The following KAZN variants were observed in gnomAD, a reference collection of about 807,000 sequenced individuals.
The protein encoded by KAZN is kazrin.
KAZN carries 40 observed loss-of-function variants against 87.4 expected under a neutral mutation model. The ratio of observed to expected loss-of-function variants is 0.46; its 90% CI spans 0.36 to 0.60. KAZN has a LOEUF of 0.60. KAZN is among the 20% of genes least tolerant of loss of function. The pLI is 0.00. For missense variants in KAZN, 898 were observed against 1,073.9 expected, an observed-to-expected ratio of 0.84 and a Z score of 2.29; for synonymous variants, 466 against 458.3, an observed-to-expected ratio of 1.02 and a Z score of -0.22.
At chr1:14,344,582 A>T (rs1657975263) in intron 2 of KAZN, among the ~76,000 whole-genome samples, 3 of 152,142 alleles carry the variant, frequency 2.0e-5, no homozygotes, top group Non-Finnish European at 2.9e-5. Context: ...ATAGACCTCA[A>T]AAAAAGGATT....
intron 1 of KAZN, among the ~76,000 whole-genome samples, chr1:14,896,080 G>C (rs1457120085): frequency 7.5e-6 from 1 of 133,158 alleles, no homozygotes; most frequent in Non-Finnish European, 1.5e-5. Context: ...TTTGGACACA[G>C]ATTCTTGCTC....
At chr1:14,005,815 G>A (rs1640011694) in intron 1 of KAZN, among the ~76,000 whole-genome samples, 1 of 152,130 alleles carries the variant, frequency 6.6e-6, no homozygotes, top group Non-Finnish European at 1.5e-5. Flanking sequence ...AAAGTTCCAG[G>A]TGTTGTTGCT....
At chr1:14,551,492 C>T (rs777497550) in intron 2 of KAZN, among the ~76,000 whole-genome samples, 18 of 152,214 alleles carry the variant, frequency 1.2e-4, no homozygotes, top group East Asian at 3.9e-4. Context: ...GTGTGCACAC[C>T]GGGCCTGGTA....
At chr1:14,057,043 C>CAAAAAA (rs527243643) in intron 1 of KAZN, among the ~76,000 whole-genome samples, 4 of 91,682 alleles carry the variant, frequency 4.4e-5, no homozygotes, top group African/African-American at 1.0e-4. Flanking sequence ...GACCCTGTCT[C>CAAAAAA]AAAAAAAAAA....
At chr1:14,931,347 G>C (rs569494971) in intron 1 of KAZN, among the ~76,000 whole-genome samples, 1 of 152,148 alleles carries the variant, frequency 6.6e-6, no homozygotes, top group African/African-American at 2.4e-5. Flanking sequence ...GGAAGGCTGA[G>C]GAAGGAAAAT....
chr1:14,313,360 C>T (rs1454526855), intron 2 of KAZN, among the ~76,000 whole-genome samples: 1 of 152,160 alleles, frequency 6.6e-6, no homozygotes, highest in Non-Finnish European at 1.5e-5. Context: ...TTCTTTATCA[C>T]TCCTTAAACA....
At chr1:14,960,902 T>G (rs1458430243) in intron 2 of KAZN, 27 bp downstream of exon 2, 2 of 1,584,706 alleles carry the variant, frequency 1.3e-6, no homozygotes, top group Non-Finnish European at 1.7e-6. Flanking sequence ...CAGCAGTTCC[T>G]TCGCTGGGAG....
At chr1:14,324,338 G>A (rs1656252056) in intron 2 of KAZN, among the ~76,000 whole-genome samples, 1 of 152,214 alleles carries the variant, frequency 6.6e-6, no homozygotes, top group African/African-American at 2.4e-5. Flanking sequence ...GCAGTAATAA[G>A]TGTCCCTAGA....
At chr1:14,995,119 T>C (rs1255595501) in intron 2 of KAZN, among the ~76,000 whole-genome samples, 1 of 152,176 alleles carries the variant, frequency 6.6e-6, no homozygotes, top group Non-Finnish European at 1.5e-5. Flanking sequence ...AGAGGGGAGC[T>C]GGAAGAGACA....
At position 14,438,983 on chromosome 1, in the gene KAZN, C is replaced by T. The variant is rs182395153; in HGVS notation, c.250-160000C>T. Among the ~76,000 whole-genome samples the T allele has an allele frequency of 2.2e-4, 33 of 152,304 alleles. 1 individual carries two copies. In the South Asian group the frequency reaches 5.8e-3, roughly 27 times the overall value. Reference sequence around the variant, plus strand: ...TTCACCCAGTCTTGGGTATTTATTGCGTCTCCATTCTAACAACTGCCCATT... The same window carrying T: ...TTCACCCAGTCTTGGGTATTTATTGTGTCTCCATTCTAACAACTGCCCATT... On this transcript the variant is annotated intron_variant, in intron 2 of 16. Transcript: ENST00000636203.
In KAZN at chr1:15,104,171, C is replaced by G; in HGVS notation, c.2030C>G (p.Ala677Gly). The change falls in exon 13 of 15, where the codon GCC becomes GGC. Residue 677 changes from alanine to glycine, a missense_variant. By Grantham distance (60) the Ala-to-Gly change is moderately conservative. Around this residue, in one of 3 missense-constraint regions of KAZN, gnomAD observed 521 missense variants for 689.4 expected, o/e 0.76. Coordinates refer to ENST00000376030, the MANE Select transcript of KAZN (RefSeq NM_201628.3). ...LRRHLAEEMS[A>G]VFHPANSTGI... The stretch of plus-strand genomic sequence containing the variant: ...AGACACCTGGCAGAGGAGATGAGCG[C>G]CGTCTTCCACCCAGCCAAGTGAGCA... The G allele has an allele frequency of 6.3e-7, 1 of 1,587,432 alleles. No homozygotes were observed. Among genetic ancestry groups the G allele is most frequent in the Non-Finnish European group, 8.6e-7 (1 of 1,167,460 alleles).
At chr1:14,679,617 T>TA (rs1460635821) in intron 1 of KAZN, among the ~76,000 whole-genome samples, 1 of 152,064 alleles carries the variant, frequency 6.6e-6, no homozygotes. Context: ...CTCTAGAAAA[T>TA]AAAAAACATG....
chr1:14,958,931 G>C (rs1017965504), intron 1 of KAZN, among the ~76,000 whole-genome samples: 6 of 152,140 alleles, frequency 3.9e-5, no homozygotes, highest in African/African-American at 1.2e-4. Flanking sequence ...GTTCATTCTC[G>C]AGGGCAGCCA....
At chr1:13,992,245 C>T (rs1639314972) in intron 1 of KAZN, among the ~76,000 whole-genome samples, 1 of 152,180 alleles carries the variant, frequency 6.6e-6, no homozygotes, top group Non-Finnish European at 1.5e-5. Flanking sequence ...CAGCACGTCA[C>T]TTTATGTAGT....
intron 2 of KAZN, among the ~76,000 whole-genome samples, chr1:14,411,518 A>T (rs4661492): frequency 0.071 from 10,768 of 151,874 alleles, 587 homozygotes; most frequent in South Asian, 0.11. Flanking sequence ...CTGGTCTTGA[A>T]CTCCTTACCT....
At chr1:13,922,914 T>C (rs1640120186) in intron 1 of KAZN, among the ~76,000 whole-genome samples, 1 of 152,180 alleles carries the variant, frequency 6.6e-6, no homozygotes, top group South Asian at 2.1e-4. Flanking sequence ...CAGCACATAG[T>C]AGATGGACAA....
At chr1:15,063,445 G>C in intron 6 of KAZN, 127 bp from the exon 7 acceptor site, 1 of 782,682 alleles carries the variant, frequency 1.3e-6, no homozygotes, top group Admixed American at 1.9e-5. Flanking sequence ...GCTCCCCACT[G>C]CAGAGGCAGG....
At chr1:14,306,719 A>G (rs2100798190) in intron 2 of KAZN, among the ~76,000 whole-genome samples, 1 of 152,284 alleles carries the variant, frequency 6.6e-6, no homozygotes, top group East Asian at 1.9e-4. Flanking sequence ...ATCGCAGACC[A>G]TGAGGTGATG....
chr1:14,332,063 C>G (rs1410416233), intron 2 of KAZN, among the ~76,000 whole-genome samples: 1 of 152,130 alleles, frequency 6.6e-6, no homozygotes, highest in Non-Finnish European at 1.5e-5. Context: ...CATATAGTCT[C>G]CATCACATTC....
Sources: allele counts gnomAD v4.1 joint callset (sites outside exome capture counted in the v4.1 genomes callset), GRCh38; gene constraint gnomAD v4.1.1; regional missense constraint gnomAD v4.1.1; transcripts MANE v1.5; gene names NCBI Gene and HGNC (gene_info 2026-07-23, HGNC 2026-07-21).